Variants in PIK3C2G observed in about 807,000 individuals in gnomAD.
PIK3C2G encodes the protein phosphatidylinositol 3-kinase C2 domain-containing subunit gamma.
Under a neutral mutation model 181.1 loss-of-function variants are expected in PIK3C2G, and 168 were observed. That is an observed-to-expected ratio of 0.93 (90% confidence interval 0.82 to 1.05). The LOEUF (loss-of-function observed/expected upper bound fraction) is 1.05, where lower values mean the gene tolerates loss of function less well. Ranked by LOEUF, PIK3C2G falls within the 50% of genes least tolerant of loss-of-function variation. The probability of loss-of-function intolerance (pLI) is 0.00; values close to 1 mark genes in which losing one functional copy is unlikely to be tolerated. For missense variants in PIK3C2G, 1,869 were observed against 1,732.8 expected, an observed-to-expected ratio of 1.08 and a Z score of -1.40; for synonymous variants, 573 against 592.2, an observed-to-expected ratio of 0.97 and a Z score of 0.47.
intron 5 of PIK3C2G, among the ~76,000 whole-genome samples, chr12:18,297,596 G>A (rs777219678): frequency 1.3e-5 from 2 of 151,710 alleles, no homozygotes; most frequent in African/African-American, 2.4e-5. Flanking sequence ...GTTAACTGTA[G>A]TCAAACTACT....
the PIK3C2G span, among the ~76,000 whole-genome samples, chr12:18,669,369 C>A: frequency 3.9e-5 from 6 of 152,182 alleles, no homozygotes; most frequent in African/African-American, 1.4e-4. Context: ...TTTCATTTAA[C>A]CTTTATAATA....
intron 32 of PIK3C2G, among the ~76,000 whole-genome samples, chr12:18,643,475 A>G (rs1294162890): frequency 6.6e-6 from 1 of 152,092 alleles, no homozygotes; most frequent in African/African-American, 2.4e-5. Context: ...CTAATCATAT[A>G]AACAATTCTG....
At chr12:18,572,358 G>T (rs1945993335) in intron 29 of PIK3C2G, among the ~76,000 whole-genome samples, 1 of 146,876 alleles carries the variant, frequency 6.8e-6, no homozygotes. Flanking sequence ...TATATATAAA[G>T]CGATATATAT....
intron 11 of PIK3C2G, among the ~76,000 whole-genome samples, chr12:18,356,814 CT>C (rs1940781193): frequency 6.8e-6 from 1 of 147,146 alleles, no homozygotes; most frequent in African/African-American, 2.5e-5. Context: ...TGCTTTTTCT[CT>C]TCTTTCTTTC....
chr12:18,305,854 C>T (rs1460222367), intron 5 of PIK3C2G, among the ~76,000 whole-genome samples: 1 of 151,624 alleles, frequency 6.6e-6, no homozygotes, highest in African/African-American at 2.4e-5. Context: ...ACATACCATA[C>T]CCCCCACAAA....
chr12:18,634,916 A>G (rs541833029), intron 31 of PIK3C2G, among the ~76,000 whole-genome samples: 5 of 152,104 alleles, frequency 3.3e-5, no homozygotes, highest in East Asian at 3.9e-4. Context: ...TACCTCCCCA[A>G]TCTTCTTGTC....
chr12:18,327,202 T>C (rs1165469524), intron 8 of PIK3C2G, among the ~76,000 whole-genome samples: 1 of 152,010 alleles, frequency 6.6e-6, no homozygotes, highest in African/African-American at 2.4e-5. Context: ...AAACAATGAG[T>C]TCTTTAATGA....
intron 2 of PIK3C2G, among the ~76,000 whole-genome samples, 200 bp downstream of exon 2, chr12:18,282,959 C>A (rs999761264): frequency 6.7e-6 from 1 of 149,512 alleles, no homozygotes; most frequent in African/African-American, 2.5e-5. Context: ...AAAAAAAAAT[C>A]ATCTATAAAG....
the PIK3C2G span, among the ~76,000 whole-genome samples, chr12:18,686,037 C>G: frequency 6.6e-6 from 1 of 152,010 alleles, no homozygotes; most frequent in Admixed American, 6.6e-5. Flanking sequence ...TCCTTTTCCT[C>G]CCAGACTCTC....
chr12:18,500,636 C>T (rs569974734), intron 22 of PIK3C2G, among the ~76,000 whole-genome samples: 8 of 152,300 alleles, frequency 5.3e-5, no homozygotes, highest in South Asian at 2.1e-4. Flanking sequence ...GAACCTTTAC[C>T]TCTACCTCAG....
the PIK3C2G span, among the ~76,000 whole-genome samples, chr12:18,661,957 A>G: frequency 2.0e-5 from 3 of 152,162 alleles, no homozygotes; most frequent in East Asian, 5.8e-4. Flanking sequence ...ACAAGATCAT[A>G]TCATTTGCAG....
At chr12:18,687,380 A>G in the PIK3C2G span, among the ~76,000 whole-genome samples, 342 of 152,278 alleles carry the variant, frequency 2.2e-3, 1 homozygote, top group African/African-American at 7.9e-3. Flanking sequence ...TCCCTTGAAG[A>G]AGATTCCAGA....
intron 1 of PIK3C2G, among the ~76,000 whole-genome samples, 158 bp downstream of exon 1, chr12:18,261,735 A>G (rs1416242584): frequency 6.6e-6 from 1 of 152,178 alleles, no homozygotes. Flanking sequence ...ATATTTTGAA[A>G]CAGAGATATC....
intron 16 of PIK3C2G, among the ~76,000 whole-genome samples, chr12:18,414,278 T>C (rs1674010099): frequency 6.6e-6 from 1 of 152,158 alleles, no homozygotes; most frequent in South Asian, 2.1e-4. Flanking sequence ...TTTTAAAAAG[T>C]ATTATTCGTT....
At chr12:18,673,869 A>T in the PIK3C2G span, among the ~76,000 whole-genome samples, 1 of 152,208 alleles carries the variant, frequency 6.6e-6, no homozygotes. Flanking sequence ...GCTCTTTGCC[A>T]CATGGACCTC....
At chr12:18,470,194 G>A (rs1397747529) in intron 18 of PIK3C2G, among the ~76,000 whole-genome samples, 2 of 152,160 alleles carry the variant, frequency 1.3e-5, no homozygotes, top group South Asian at 2.1e-4. Flanking sequence ...GTATGTGGCT[G>A]GCAAAGAAGC....
At chr12:18,482,365 A>T (rs902603669) in intron 18 of PIK3C2G, among the ~76,000 whole-genome samples, 2 of 152,002 alleles carry the variant, frequency 1.3e-5, no homozygotes, top group African/African-American at 4.8e-5. Flanking sequence ...GTGAGCGCAG[A>T]TTCTCCACCA....
chr12:18,600,635 T>G (rs779436618), intron 30 of PIK3C2G, among the ~76,000 whole-genome samples: 1 of 151,882 alleles, frequency 6.6e-6, no homozygotes, highest in Non-Finnish European at 1.5e-5. Flanking sequence ...GAATTAACCA[T>G]AGAAAGATGA....
intron 29 of PIK3C2G, among the ~76,000 whole-genome samples, chr12:18,587,002 C>T (rs909634933): frequency 5.3e-5 from 8 of 151,978 alleles, no homozygotes; most frequent in African/African-American, 1.9e-4. Flanking sequence ...TGATAAAATT[C>T]AACATCCCTT....
Sources: gnomAD v4.1 joint callset for allele counts (sites outside exome capture counted in the v4.1 genomes callset) on GRCh38, gnomAD v4.1.1 for gene constraint, MANE v1.5 for transcripts, NCBI Gene and HGNC (gene_info 2026-07-23, HGNC 2026-07-21) for gene names.